ARB2A: variants seen among roughly 807,000 people sequenced by gnomAD.
ARB2A encodes the protein cotranscriptional regulator ARB2A.
chr5:94,074,840 C>G, the ARB2A span: 4 of 999,630 alleles, frequency 4.0e-6, no homozygotes, highest in Admixed American at 9.0e-5. Context: ...TTCCTTGATC[C>G]TCCCAGTCAG....
the ARB2A span, among the ~76,000 whole-genome samples, chr5:93,652,085 T>C: frequency 2.0e-5 from 3 of 152,132 alleles, no homozygotes; most frequent in Admixed American, 6.5e-5. Context: ...AATCCAAACA[T>C]ATCAATAATG....
the ARB2A span, among the ~76,000 whole-genome samples, chr5:93,957,190 T>C: frequency 6.6e-6 from 1 of 152,234 alleles, no homozygotes; most frequent in South Asian, 2.1e-4. Flanking sequence ...TTTGGCATGG[T>C]TTTCCATATA....
At chr5:93,948,331 A>G in the ARB2A span, among the ~76,000 whole-genome samples, 8 of 152,118 alleles carry the variant, frequency 5.3e-5, no homozygotes, top group Non-Finnish European at 1.0e-4. Context: ...GTATCTGTTC[A>G]TGTCCTTCAC....
chr5:94,026,105 A>G, the ARB2A span, among the ~76,000 whole-genome samples: 1 of 152,190 alleles, frequency 6.6e-6, no homozygotes, highest in Non-Finnish European at 1.5e-5. Context: ...AGGGGTGACC[A>G]CAATGCTAAA....
At chr5:93,918,430 C>CTTTCT in the ARB2A span, among the ~76,000 whole-genome samples, 2 of 107,354 alleles carry the variant, frequency 1.9e-5, no homozygotes, top group African/African-American at 6.7e-5. Context: ...TTCCAAATTT[C>CTTTCT]TTTTTTTTTT....
At chr5:93,830,311 G>GTGTGTGTGTATATA in the ARB2A span, among the ~76,000 whole-genome samples, 1 of 82,258 alleles carries the variant, frequency 1.2e-5, no homozygotes, top group African/African-American at 5.2e-5. Context: ...GTGTGTGTGT[G>GTGTGTGTGTATATA]TATATATATA....
the ARB2A span, among the ~76,000 whole-genome samples, chr5:93,953,484 T>C: frequency 8.6e-6 from 1 of 116,464 alleles, no homozygotes; most frequent in African/African-American, 2.9e-5. Context: ...CAGAAACTCT[T>C]GTCTTACTTT....
chr5:94,039,210 A>C, the ARB2A span, among the ~76,000 whole-genome samples: 1 of 152,232 alleles, frequency 6.6e-6, no homozygotes, highest in Non-Finnish European at 1.5e-5. Context: ...TGTTTGAACC[A>C]AAGCAACTCC....
the ARB2A span, among the ~76,000 whole-genome samples, chr5:93,783,981 G>T: frequency 6.6e-6 from 1 of 152,110 alleles, no homozygotes; most frequent in South Asian, 2.1e-4. Flanking sequence ...CATACTGACT[G>T]CCTTTTCAAG....
At chr5:93,812,448 A>C in the ARB2A span, among the ~76,000 whole-genome samples, 1 of 152,240 alleles carries the variant, frequency 6.6e-6, no homozygotes, top group African/African-American at 2.4e-5. Context: ...ACCTTTAGAA[A>C]ATCAACATTT....
chr5:93,727,755 A>G, the ARB2A span, among the ~76,000 whole-genome samples: 1 of 152,068 alleles, frequency 6.6e-6, no homozygotes, highest in Non-Finnish European at 1.5e-5. Context: ...AAATAGATCT[A>G]TCAGTGCTGG....
the ARB2A span, among the ~76,000 whole-genome samples, chr5:94,045,398 G>C: frequency 1.3e-5 from 2 of 152,002 alleles, no homozygotes; most frequent in Admixed American, 6.6e-5. Context: ...TCTCGATCAG[G>C]ACCCCTTTCC....
chr5:93,950,780 T>A, the ARB2A span, among the ~76,000 whole-genome samples: 6 of 149,528 alleles, frequency 4.0e-5, no homozygotes, highest in African/African-American at 1.5e-4. Context: ...CTGTCTCTAC[T>A]AAAAATACAA....
the ARB2A span, among the ~76,000 whole-genome samples, chr5:94,048,142 T>C: frequency 7.4e-4 from 99 of 134,344 alleles, no homozygotes; most frequent in Non-Finnish European, 1.2e-3. Context: ...GCAACCTCCA[T>C]CTCCCGGGTT....
the ARB2A span, among the ~76,000 whole-genome samples, chr5:94,065,371 G>A: frequency 9.9e-5 from 15 of 152,198 alleles, no homozygotes; most frequent in South Asian, 1.0e-3. Context: ...CAAATTAGTC[G>A]GGGATGGTGG....
At chr5:93,963,512 A>AT in the ARB2A span, among the ~76,000 whole-genome samples, 1 of 152,052 alleles carries the variant, frequency 6.6e-6, no homozygotes, top group Admixed American at 6.6e-5. Flanking sequence ...GGAAAATCAA[A>AT]TAAAAAGGTT....
At chr5:93,926,570 C>T in the ARB2A span, among the ~76,000 whole-genome samples, 1 of 151,798 alleles carries the variant, frequency 6.6e-6, no homozygotes, top group African/African-American at 2.4e-5. Context: ...CTAGATGCCT[C>T]ATGTAGTAAA....
At chr5:94,070,671 T>G in the ARB2A span, among the ~76,000 whole-genome samples, 1 of 152,072 alleles carries the variant, frequency 6.6e-6, no homozygotes, top group Non-Finnish European at 1.5e-5. Context: ...TGGGAATGTT[T>G]ACTAATCACA....
chr5:93,754,789 C>T, the ARB2A span, among the ~76,000 whole-genome samples: 36 of 152,294 alleles, frequency 2.4e-4, no homozygotes, highest in African/African-American at 8.4e-4. Flanking sequence ...TCTCTTTCAG[C>T]TTTATTGCTT....
Sources: gnomAD v4.1 joint callset for allele counts (sites outside exome capture counted in the v4.1 genomes callset) on GRCh38, gnomAD v4.1.1 for gene constraint, MANE v1.5 for transcripts, NCBI Gene and HGNC (gene_info 2026-07-23, HGNC 2026-07-21) for gene names.